The following EYA1 variants were observed in gnomAD, a reference collection of about 807,000 sequenced individuals.
EYA1 encodes protein phosphatase EYA1.
In EYA1, 16 loss-of-function variants were observed where a neutral mutation model predicts 82.0. The observed-to-expected ratio is 0.20, with a 90% CI of 0.13 to 0.30. The LOEUF (loss-of-function observed/expected upper bound fraction) is 0.30. Ranked by LOEUF, EYA1 falls within the 10% of genes least tolerant of loss-of-function variation. EYA1 has a pLI of 1.00. For synonymous variants in EYA1, 261 were observed against 264.4 expected, an observed-to-expected ratio of 0.99 and a Z score of 0.12; for missense variants, 633 against 730.7, an observed-to-expected ratio of 0.87 and a Z score of 1.54.
At chr8:71,361,225 A>G (rs1167853277) in intron 1 of EYA1, among the ~76,000 whole-genome samples, 1 of 152,218 alleles carries the variant, frequency 6.6e-6, no homozygotes, top group African/African-American at 2.4e-5. Flanking sequence ...CAAAGTGTGT[A>G]AAAGTTACTT....
Position 71,466,332 on chromosome 8 carries a change from T to C in EYA1, c.33+69412A>G, listed in dbSNP as rs1234843934. 2.6e-5 allele frequency among the ~76,000 whole-genome samples: 4 copies of C among 151,962 alleles called. No homozygotes were observed. The East Asian group carries it at 7.8e-4, about 30-fold the overall frequency. On this transcript the variant is annotated intron_variant, in intron 2 of 18. Transcript: ENST00000643681. Reference sequence around the variant, plus strand: ...TGTTTATTCAGTAGAACTCTGTTCTTCTGAAAAGTTTTTTTGAAAAGCTTT... The same window carrying C: ...TGTTTATTCAGTAGAACTCTGTTCTCCTGAAAAGTTTTTTTGAAAAGCTTT...
intron 9 of EYA1, among the ~76,000 whole-genome samples, chr8:71,284,948 A>T (rs1322761274): frequency 2.6e-5 from 4 of 152,192 alleles, no homozygotes; most frequent in Non-Finnish European, 4.4e-5. Context: ...ATGGCATTTT[A>T]AAAATGGAAA....
At chr8:71,218,909 T>G (rs925373171) in intron 12 of EYA1, among the ~76,000 whole-genome samples, 1 of 151,852 alleles carries the variant, frequency 6.6e-6, no homozygotes, top group African/African-American at 2.4e-5. Flanking sequence ...AGGAGGAAGT[T>G]GAGGAACTAG....
At chr8:71,318,626 G>T (rs549167794) in intron 6 of EYA1, among the ~76,000 whole-genome samples, 67 of 152,250 alleles carry the variant, frequency 4.4e-4, no homozygotes, top group African/African-American at 1.5e-3. Context: ...TTCTCACAGA[G>T]GGAGGGAAGA....
intron 2 of EYA1, among the ~76,000 whole-genome samples, chr8:71,498,924 G>A (rs1457956309): frequency 6.6e-6 from 1 of 152,120 alleles, no homozygotes; most frequent in East Asian, 1.9e-4. Context: ...ACATCCTCCT[G>A]AGGAAGGCAT....
chr8:71,269,721 G>A lies in EYA1; in HGVS notation c.1050+19C>T, dbSNP rs1320898787. 3 of 1,587,234 alleles carry A rather than the reference G, an allele frequency of 1.9e-6. No individual in the cohort carries two copies. Among genetic ancestry groups the A allele is most frequent in the Non-Finnish European group, 2.6e-6 (3 of 1,156,848 alleles). ...ATTTACTCCAAAGAAATTAAAAACTGATGCCTCTTGGTACTCACCCTCCCA... is the reference window on the plus strand; with the variant it reads ...ATTTACTCCAAAGAAATTAAAAACTAATGCCTCTTGGTACTCACCCTCCCA... On this transcript the variant is annotated intron_variant, in intron 11 of 17. Transcript: ENST00000340726.
chr8:71,441,339 G>A (rs58543406), intron 2 of EYA1, among the ~76,000 whole-genome samples: 6,318 of 152,184 alleles, frequency 0.042, 437 homozygotes, highest in African/African-American at 0.14. Context: ...GAGTCCAGGA[G>A]TTTGAGGCTG....
intron 11 of EYA1, among the ~76,000 whole-genome samples, chr8:71,264,830 G>A (rs1039108974): frequency 1.3e-5 from 2 of 151,902 alleles, no homozygotes; most frequent in Non-Finnish European, 1.5e-5. Flanking sequence ...TGATCTACCC[G>A]CCTCAGCCTC....
At chr8:71,344,055 G>A (rs1224087429) in intron 3 of EYA1, among the ~76,000 whole-genome samples, 1 of 152,032 alleles carries the variant, frequency 6.6e-6, no homozygotes, top group Admixed American at 6.6e-5. Flanking sequence ...TTTAAAGTAA[G>A]TTGCAGATAT....
chr8:71,386,718 T>C (rs1828985498), intron 2 of EYA1, among the ~76,000 whole-genome samples: 1 of 152,242 alleles, frequency 6.6e-6, no homozygotes, highest in South Asian at 2.1e-4. Flanking sequence ...GATATAAACG[T>C]AATTAGAATA....
intron 2 of EYA1, among the ~76,000 whole-genome samples, chr8:71,393,456 C>G (rs984111705): frequency 3.3e-5 from 5 of 152,146 alleles, no homozygotes; most frequent in African/African-American, 9.7e-5. Context: ...TCCAACCACT[C>G]CACGACAGTC....
At position 71,334,079 on chromosome 8, in the gene EYA1, CT is replaced by C. The variant is rs777388905; in HGVS notation, c.202+17del. ...AAATGCTTGGTGTTGATGTGAAAAT[CT>C]AATATTTATTCCTTACCTGAACCTG... On this transcript the variant is annotated intron_variant, in intron 4 of 17. Coordinates refer to ENST00000340726, the MANE Select transcript of EYA1 (RefSeq NM_000503.6). 1 of 1,592,342 alleles carries C rather than the reference CT, an allele frequency of 6.3e-7. No individual in the cohort carries two copies. Among genetic ancestry groups the C allele is most frequent in the Non-Finnish European group, 8.6e-7 (1 of 1,160,448 alleles).
intron 2 of EYA1, among the ~76,000 whole-genome samples, chr8:71,454,627 G>A (rs1042176097): frequency 1.4e-4 from 21 of 152,242 alleles, no homozygotes; most frequent in South Asian, 2.1e-4. Flanking sequence ...ACTAAAAACC[G>A]CTCAACTACA....
At position 71,199,070 on chromosome 8, in the gene EYA1, GTAGT is replaced by G. The variant is rs1806599917; in HGVS notation, c.*266_*269del. The G allele has an allele frequency of 1.9e-6, 1 of 515,908 alleles. No homozygotes were observed. The highest frequency in any genetic ancestry group is 3.5e-6 in the Non-Finnish European group (1 of 282,392). 32.0% of individuals were successfully genotyped at this position (515,908 alleles called of 1,614,324 possible). ...TCCTTTCTTCACAGGTTTGAACCGT[GTAGT>G]TAATGTGGCAGACACATAACGCTGT... On this transcript the variant is annotated 3_prime_UTR_variant, in exon 18 of 18. Coordinates refer to ENST00000340726, the MANE Select transcript of EYA1 (RefSeq NM_000503.6).
chr8:71,544,299 C>G (rs1209519889), intron 1 of EYA1, among the ~76,000 whole-genome samples: 3 of 152,098 alleles, frequency 2.0e-5, no homozygotes, highest in Non-Finnish European at 4.4e-5. Flanking sequence ...AGAAGGAAGT[C>G]AGGGAATTCA....
At chr8:71,462,310 G>A (rs951773600) in intron 2 of EYA1, among the ~76,000 whole-genome samples, 32 of 152,168 alleles carry the variant, frequency 2.1e-4, no homozygotes, top group Admixed American at 1.2e-3. Flanking sequence ...GCAGGGGACT[G>A]GCGTGCCAGT....
chr8:71,498,276 G>A (rs911708716), intron 2 of EYA1, among the ~76,000 whole-genome samples: 5 of 152,082 alleles, frequency 3.3e-5, no homozygotes, highest in African/African-American at 1.2e-4. Context: ...ATTCCACAAT[G>A]TATATATACT....
At chr8:71,323,096 A>G (rs1041244117) in intron 4 of EYA1, among the ~76,000 whole-genome samples, 26 of 152,300 alleles carry the variant, frequency 1.7e-4, no homozygotes, top group African/African-American at 6.0e-4. Flanking sequence ...AGTCCTGAAA[A>G]TGGCAGTTTC....
chr8:71,276,758 C>T (rs924192940), intron 9 of EYA1, among the ~76,000 whole-genome samples: 5 of 152,150 alleles, frequency 3.3e-5, no homozygotes, highest in East Asian at 3.9e-4. Flanking sequence ...GAAACAGGAA[C>T]GACAGTCTAG....
Sources: allele counts gnomAD v4.1 joint callset (sites outside exome capture counted in the v4.1 genomes callset), GRCh38; gene constraint gnomAD v4.1.1; transcripts MANE v1.5; gene names NCBI Gene and HGNC (gene_info 2026-07-23, HGNC 2026-07-21).